Variants in ADGRL3 observed in about 807,000 individuals in gnomAD.
ADGRL3 encodes calcium-independent alpha-latrotoxin receptor 3.
ADGRL3 carries 62 observed loss-of-function variants against 153.5 expected under a neutral mutation model. That is an observed-to-expected ratio of 0.40 (90% CI 0.33 to 0.50). The LOEUF (loss-of-function observed/expected upper bound fraction) is 0.50. Among genes scored for constraint, ADGRL3 ranks in the 20% least tolerant of loss-of-function variants. ADGRL3 has a pLI of 0.47. For synonymous variants in ADGRL3, 710 were observed against 672.5 expected (o/e 1.06, Z -0.86); for missense variants, 1,641 against 1,859.4 (o/e 0.88, Z 2.16).
chr4:61,653,388 C>T (rs1349897729), intron 5 of ADGRL3, among the ~76,000 whole-genome samples: 1 of 152,120 alleles, frequency 6.6e-6, no homozygotes, highest in Non-Finnish European at 1.5e-5. Flanking sequence ...CCTGAACTGA[C>T]TAAAATATAT....
intron 1 of ADGRL3, among the ~76,000 whole-genome samples, chr4:61,214,899 C>T (rs1015255956): frequency 4.0e-5 from 6 of 151,812 alleles, no homozygotes; most frequent in African/African-American, 1.5e-4. Flanking sequence ...CATCACGCCA[C>T]GGCACTCCAG....
At chr4:61,624,854 C>A (rs560509760) in intron 5 of ADGRL3, among the ~76,000 whole-genome samples, 2 of 152,082 alleles carry the variant, frequency 1.3e-5, no homozygotes, top group African/African-American at 4.8e-5. Flanking sequence ...CCCCCAAAAG[C>A]AGCTTAAATA....
At chr4:61,776,621 T>G (rs1030215928) in intron 8 of ADGRL3, among the ~76,000 whole-genome samples, 1 of 152,176 alleles carries the variant, frequency 6.6e-6, no homozygotes, top group African/African-American at 2.4e-5. Context: ...TATTATATAT[T>G]ATTGCACAAA....
At chr4:61,231,736 A>G (rs764433144) in intron 1 of ADGRL3, among the ~76,000 whole-genome samples, 1 of 152,046 alleles carries the variant, frequency 6.6e-6, no homozygotes, top group Non-Finnish European at 1.5e-5. Flanking sequence ...GAGGGGTGGT[A>G]TCAATGTTCT....
chr4:61,646,490 C>G (rs1219092146), intron 5 of ADGRL3, among the ~76,000 whole-genome samples: 5 of 151,692 alleles, frequency 3.3e-5, no homozygotes, highest in South Asian at 4.1e-4. Flanking sequence ...TGTTTGTTAT[C>G]TAACAGACAG....
In ADGRL3 at chr4:61,258,978, A is replaced by C. The variant is rs75936984; in HGVS notation, c.-240+57213A>C. On this transcript the variant is annotated intron_variant, in intron 1 of 26. Coordinates refer to ENST00000683033, the MANE Select transcript of ADGRL3 (RefSeq NM_001387552.1). ...AATTTGGACTTTCCTCTATCTTTCC[A>C]AAATTTTAAAGCATTCCCAAATTTG... 7.5e-3 allele frequency among the ~76,000 whole-genome samples: 1,141 copies of C among 152,316 alleles called. 10 individuals carry two copies. The highest frequency in any genetic ancestry group is 0.026 in the African/African-American group (1,072 of 41,566).
intron 2 of ADGRL3, among the ~76,000 whole-genome samples, chr4:61,407,047 C>T (rs1196574474): frequency 1.3e-5 from 2 of 151,986 alleles, no homozygotes; most frequent in South Asian, 4.1e-4. Flanking sequence ...ATTCCTAAGG[C>T]ATTCTAAGTT....
intron 21 of ADGRL3, among the ~76,000 whole-genome samples, chr4:62,005,156 G>A (rs577937475): frequency 6.6e-6 from 1 of 152,242 alleles, no homozygotes; most frequent in South Asian, 2.1e-4. Flanking sequence ...CTGAATTTCA[G>A]TCACTGATTC....
chr4:61,469,149 A>T (rs1251868230), intron 2 of ADGRL3, among the ~76,000 whole-genome samples: 1 of 152,088 alleles, frequency 6.6e-6, no homozygotes, highest in African/African-American at 2.4e-5. Context: ...TTAGAAGGGC[A>T]GTATTACCTT....
intron 1 of ADGRL3, among the ~76,000 whole-genome samples, chr4:61,236,699 T>A (rs1200471726): frequency 6.6e-6 from 1 of 152,188 alleles, no homozygotes; most frequent in African/African-American, 2.4e-5. Flanking sequence ...GCTCATGTTG[T>A]CTGCCTTATT....
intron 5 of ADGRL3, among the ~76,000 whole-genome samples, chr4:61,615,495 A>G (rs1398318274): frequency 6.6e-6 from 1 of 152,132 alleles, no homozygotes; most frequent in Non-Finnish European, 1.5e-5. Flanking sequence ...TGAAATATGA[A>G]TAGGGATTTG....
intron 8 of ADGRL3, among the ~76,000 whole-genome samples, chr4:61,742,080 T>TA (rs1414628531): frequency 6.6e-6 from 1 of 152,150 alleles, no homozygotes; most frequent in Non-Finnish European, 1.5e-5. Context: ...TGGCACGTCT[T>TA]TTAAGGGTTG....
intron 1 of ADGRL3, among the ~76,000 whole-genome samples, chr4:61,330,726 G>A (rs1232219926): frequency 6.6e-6 from 1 of 152,138 alleles, no homozygotes; most frequent in Non-Finnish European, 1.5e-5. Flanking sequence ...CCACTGCGTG[G>A]AAAGGGACCC....
intron 5 of ADGRL3, among the ~76,000 whole-genome samples, chr4:61,626,953 C>A (rs2343251): frequency 0.56 from 84,920 of 151,878 alleles, 26,937 homozygotes; most frequent in Non-Finnish European, 0.74. Flanking sequence ...TTACATTTAA[C>A]TATTAGGTTG....
chr4:61,725,617 A>AC (rs1379639321), intron 6 of ADGRL3, among the ~76,000 whole-genome samples: 204 of 149,910 alleles, frequency 1.4e-3, no homozygotes, highest in African/African-American at 4.2e-3. Context: ...CCAAAAAAAA[A>AC]CAAAAAAAAA....
chr4:62,026,934 A>G (rs941519907), intron 21 of ADGRL3, among the ~76,000 whole-genome samples: 1 of 152,102 alleles, frequency 6.6e-6, no homozygotes, highest in Non-Finnish European at 1.5e-5. Flanking sequence ...CAAGATACAC[A>G]TAATGAAATG....
chr4:61,396,590 A>G (rs907148464), intron 2 of ADGRL3, among the ~76,000 whole-genome samples: 6 of 151,920 alleles, frequency 3.9e-5, no homozygotes, highest in South Asian at 2.1e-4. Context: ...CTCTAACAAC[A>G]TATTTTACAG....
chr4:61,247,933 A>T (rs1206197600), intron 1 of ADGRL3, among the ~76,000 whole-genome samples: 1 of 152,118 alleles, frequency 6.6e-6, no homozygotes, highest in Non-Finnish European at 1.5e-5. Flanking sequence ...ATAGCAAAGA[A>T]ATGAACCACA....
chr4:61,353,461 A>G (rs1195670980), intron 1 of ADGRL3, among the ~76,000 whole-genome samples: 1 of 152,110 alleles, frequency 6.6e-6, no homozygotes, highest in Non-Finnish European at 1.5e-5. Flanking sequence ...CTTTGTACAG[A>G]TGTGGATTTA....
Sources: allele counts gnomAD v4.1 joint callset (sites outside exome capture counted in the v4.1 genomes callset), GRCh38; gene constraint gnomAD v4.1.1; transcripts MANE v1.5; gene names NCBI Gene and HGNC (gene_info 2026-07-23, HGNC 2026-07-21).